Variants in C2orf92 observed in about 807,000 individuals in gnomAD.
C2orf92 encodes chromosome 2 open reading frame 92.
intron 5 of C2orf92, among the ~76,000 whole-genome samples, chr2:97,690,750 T>C (rs982512616): frequency 1.3e-5 from 2 of 149,314 alleles, no homozygotes; most frequent in African/African-American, 4.9e-5. Context: ...GACTCTCTTG[T>C]AGAGAGTACA....
chr2:97,689,187 A>C (rs1476958503), intron 4 of C2orf92, among the ~76,000 whole-genome samples, 194 bp downstream of exon 4: 1 of 152,186 alleles, frequency 6.6e-6, no homozygotes, highest in Non-Finnish European at 1.5e-5. Flanking sequence ...CTGTGCTCCA[A>C]AGTGTGAATA....
intron 5 of C2orf92, 41 bp downstream of exon 5, chr2:97,690,368 G>A (rs1573221323): frequency 5.0e-6 from 2 of 396,624 alleles, no homozygotes; most frequent in South Asian, 2.6e-4. Flanking sequence ...GGGTTGGTAA[G>A]TCATTGTTCT....
At chr2:97,690,571 CA>C (rs1676097673) in intron 5 of C2orf92, among the ~76,000 whole-genome samples, 1 of 151,894 alleles carries the variant, frequency 6.6e-6, no homozygotes, top group African/African-American at 2.4e-5. Flanking sequence ...TTAGTAGAGA[CA>C]GGGTTTCACC....
upstream of C2orf92, chr2:97,669,560 G>C (rs988679288): frequency 1.9e-5 from 7 of 375,394 alleles, no homozygotes; most frequent in East Asian, 2.7e-4. Flanking sequence ...CCAGGGAGCC[G>C]AGGGAAGTGA....
upstream of C2orf92, among the ~76,000 whole-genome samples, chr2:97,667,464 A>G (rs1306205688): frequency 2.9e-5 from 3 of 101,706 alleles, no homozygotes; most frequent in Admixed American, 1.1e-4. Flanking sequence ...ATGGAGTCTC[A>G]CTCTGTCACC....
At chr2:97,677,964 G>T (rs1675635936) in intron 3 of C2orf92, among the ~76,000 whole-genome samples, 1 of 152,164 alleles carries the variant, frequency 6.6e-6, no homozygotes, top group African/African-American at 2.4e-5. Flanking sequence ...ACTTTGGGAG[G>T]CCGAGGCAGA....
Position 97,674,030 on chromosome 2 carries a change from G to A in C2orf92, c.47-426G>A, listed in dbSNP as rs184681557. 4.2e-4 allele frequency among the ~76,000 whole-genome samples: 64 copies of A among 152,300 alleles called. No individual in the cohort carries two copies. In the East Asian group the frequency reaches 0.012, roughly 28 times the overall value. On this transcript the variant is annotated intron_variant, in intron 1 of 7. Coordinates refer to ENST00000627399, the MANE Select transcript of C2orf92 (RefSeq NM_001351368.2). ...GGCTGCAATTTCCTGAAAACCTGAC[G>A]TATAGTGGCTTAAACAAAGAGTGGT...
rs79147339 is a variant in C2orf92, at chr2:97,670,135, A to G, written c.46+301A>G. ...TATGCAAAAGTAGAAAGATTAGTAT[A>G]AAGAACCACCATATGCTAACTAACC... On this transcript the variant is annotated intron_variant, in intron 1 of 7. Transcript: ENST00000627399. 6.5e-3 allele frequency: 1,629 copies of G among 252,250 alleles called. 70 individuals carry two copies. The East Asian group carries it at 0.085, about 13-fold the overall frequency. The allele number at this position is 252,250 out of a possible 1,614,324, so 15.6% of individuals were successfully genotyped here.
chr2:97,697,101 G>A (rs1676330878), intron 5 of C2orf92, among the ~76,000 whole-genome samples: 3 of 152,196 alleles, frequency 2.0e-5, no homozygotes, highest in African/African-American at 7.2e-5. Context: ...CTTGGGTTGA[G>A]CCTACACCAT....
At chr2:97,674,329 A>G (rs574619460) in intron 1 of C2orf92, 127 bp from the exon 2 acceptor site, 1 of 396,328 alleles carries the variant, frequency 2.5e-6, no homozygotes, top group African/African-American at 2.1e-5. Context: ...CCCAAAGACA[A>G]GGCATTTACA....
chr2:97,682,081 T>G (rs1055455990), intron 3 of C2orf92, among the ~76,000 whole-genome samples: 2 of 151,998 alleles, frequency 1.3e-5, no homozygotes, highest in African/African-American at 2.4e-5. Flanking sequence ...GCTAGATAGG[T>G]GAAGAAAGAA....
intron 2 of C2orf92, chr2:97,675,536 A>G (rs1675545244): frequency 3.6e-6 from 1 of 277,136 alleles, no homozygotes; most frequent in Non-Finnish European, 6.7e-6. Flanking sequence ...ATCATTTGCC[A>G]TACACCATGT....
At chr2:97,686,476 A>G (rs920523481) in intron 3 of C2orf92, among the ~76,000 whole-genome samples, 3 of 151,772 alleles carry the variant, frequency 2.0e-5, no homozygotes, top group African/African-American at 7.3e-5. Context: ...CTGGAGTGCA[A>G]TGGCGCGATA....
At chr2:97,663,974 C>T, upstream of C2orf92, 1 of 860,984 alleles carries the variant, frequency 1.2e-6, no homozygotes, top group South Asian at 4.8e-5. Flanking sequence ...GGGACGGCGG[C>T]GGCTCCCGAC....
intron 1 of C2orf92, among the ~76,000 whole-genome samples, 197 bp downstream of exon 1, chr2:97,670,031 G>A (rs762548313): frequency 2.7e-4 from 41 of 152,148 alleles, no homozygotes; most frequent in Non-Finnish European, 2.4e-4. Flanking sequence ...TAACTTTGAA[G>A]CTTTCTCAAA....
upstream of C2orf92, chr2:97,663,982 G>T (rs1013293693): frequency 2.5e-6 from 2 of 808,766 alleles, no homozygotes; most frequent in Non-Finnish European, 3.3e-6. Flanking sequence ...GGCGGCTCCC[G>T]ACGCGGCGCC....
intron 4 of C2orf92, among the ~76,000 whole-genome samples, chr2:97,689,625 G>T (rs566752943): frequency 6.6e-6 from 1 of 152,288 alleles, no homozygotes; most frequent in African/African-American, 2.4e-5. Context: ...CCCAGGCAGG[G>T]AGGGGGAATG....
At chr2:97,679,837 C>CAAAAAAAAAA (rs55696146) in intron 3 of C2orf92, among the ~76,000 whole-genome samples, 29 of 94,320 alleles carry the variant, frequency 3.1e-4, no homozygotes, top group Non-Finnish European at 4.0e-4. Context: ...AACTCTATCT[C>CAAAAAAAAAA]AAAAAAAAAA....
Position 97,688,942 on chromosome 2 carries a change from T to C in C2orf92, c.280T>C (p.Phe94Leu). ...VFPKFPYDPS[F>L]NEATAVRSIT... ...TCCAAAGTTTCCGTATGACCCATCA[T>C]TTAACGAAGCAACAGCAGTCAGATC... Residue 94 changes from phenylalanine (F) to leucine (L), a missense_variant, in exon 4 of 8, where the codon TTT becomes CTT. Coordinates refer to ENST00000627399, the MANE Select transcript of C2orf92 (RefSeq NM_001351368.2). The C allele has an allele frequency of 7.5e-6, 3 of 398,638 alleles. No homozygotes were observed. The highest frequency in any genetic ancestry group is 1.3e-5 in the Non-Finnish European group (3 of 226,062). The allele number at this position is 398,638 out of a possible 1,614,324, so 24.7% of individuals were successfully genotyped here. A position where few individuals can be genotyped will look rare whatever the true frequency, so the allele number is the denominator to read the frequency against.
Sources: allele counts gnomAD v4.1 joint callset (sites outside exome capture counted in the v4.1 genomes callset), GRCh38; gene constraint gnomAD v4.1.1; transcripts MANE v1.5; gene names NCBI Gene and HGNC (gene_info 2026-07-23, HGNC 2026-07-21).